STXBP5L: variants seen among roughly 807,000 people sequenced by gnomAD.
STXBP5L encodes the protein syntaxin binding protein 5L.
STXBP5L carries 65 observed loss-of-function variants against 144.5 expected under a neutral mutation model. The ratio of observed to expected loss-of-function variants is 0.45; its 90% CI spans 0.37 to 0.55. STXBP5L has a LOEUF of 0.55. STXBP5L is among the 20% of genes least tolerant of loss of function. The pLI, the probability that STXBP5L is intolerant of heterozygous loss-of-function variation, is 0.00. For synonymous variants in STXBP5L, 505 were observed against 469.6 expected (o/e 1.08, Z -0.97); for missense variants, 1,298 against 1,405.5 (o/e 0.92, Z 1.22).
intron 20 of STXBP5L, among the ~76,000 whole-genome samples, chr3:121,322,671 G>A (rs1010126865): frequency 2.7e-5 from 4 of 150,806 alleles, no homozygotes; most frequent in East Asian, 1.9e-4. Context: ...TTCTTTTTGT[G>A]TGTGTGTGTG....
chr3:121,115,652 A>G (rs1328397691), intron 6 of STXBP5L, among the ~76,000 whole-genome samples: 1 of 152,152 alleles, frequency 6.6e-6, no homozygotes, highest in East Asian at 1.9e-4. Context: ...GCATTGCTAT[A>G]AAGGAATCCC....
At chr3:120,923,825 A>C (rs1419628858) in intron 2 of STXBP5L, among the ~76,000 whole-genome samples, 2 of 152,054 alleles carry the variant, frequency 1.3e-5, no homozygotes, top group Non-Finnish European at 2.9e-5. Flanking sequence ...AGTTGGGTGA[A>C]ATATTTTATA....
In STXBP5L at chr3:121,381,344, T is replaced by C. The variant is rs766545647; in HGVS notation, c.2399T>C (p.Ile800Thr). The stretch of plus-strand genomic sequence containing the variant: ...TCTAGAAGCTCTAGTATCTCCAGTA[T>C]TGACAAAGATTCTAAAGAAGCAATT... ...NRSRSSSISS[I>T]DKDSKEAITA... The change falls in exon 22 of 27, where the codon ATT (isoleucine) becomes ACT (threonine). Residue 800 changes from isoleucine (I) to threonine (T), a missense_variant. Transcript: ENST00000471454. 1.2e-6 allele frequency: 2 copies of C among 1,603,426 alleles called. No individual in the cohort carries two copies. Among genetic ancestry groups the C allele is most frequent in the Middle Eastern group, 1.7e-4 (1 of 6,014 alleles).
chr3:121,209,195 A>C (rs988549119), intron 10 of STXBP5L, among the ~76,000 whole-genome samples: 6 of 152,092 alleles, frequency 3.9e-5, no homozygotes, highest in African/African-American at 1.4e-4. Context: ...GGTTGGTTCC[A>C]AGTCTTTGCT....
chr3:121,127,753 G>A (rs1484907723), intron 7 of STXBP5L, among the ~76,000 whole-genome samples: 1 of 151,906 alleles, frequency 6.6e-6, no homozygotes, highest in Admixed American at 6.6e-5. Context: ...ATTAACCTGG[G>A]ATGGAAAAAT....
intron 3 of STXBP5L, among the ~76,000 whole-genome samples, chr3:121,023,290 A>C (rs1021619910): frequency 6.6e-6 from 1 of 152,218 alleles, no homozygotes; most frequent in African/African-American, 2.4e-5. Context: ...GGATGGATAG[A>C]ATCAGTATTG....
chr3:121,057,701 G>T (rs1948556702), intron 5 of STXBP5L, among the ~76,000 whole-genome samples: 1 of 151,694 alleles, frequency 6.6e-6, no homozygotes, highest in African/African-American at 2.4e-5. Context: ...TGGATATTCT[G>T]CAATTTGATT....
chr3:121,152,656 G>C, intron 8 of STXBP5L, 96 bp downstream of exon 8: 1 of 859,326 alleles, frequency 1.2e-6, no homozygotes, highest in Non-Finnish European at 1.7e-6. Context: ...GTTTAGCCTT[G>C]GAAAGTTGCC....
chr3:121,349,815 A>T (rs889238157), intron 20 of STXBP5L, among the ~76,000 whole-genome samples: 1 of 151,720 alleles, frequency 6.6e-6, no homozygotes, highest in Admixed American at 6.6e-5. Context: ...TGCTTGGTAG[A>T]TCTTCCTCCA....
chr3:121,367,248 C>T (rs971715158), intron 20 of STXBP5L, among the ~76,000 whole-genome samples: 1 of 152,126 alleles, frequency 6.6e-6, no homozygotes, highest in African/African-American at 2.4e-5. Flanking sequence ...CTTCATATGG[C>T]TTTGAGTTAC....
chr3:121,169,117 T>A (rs1287193029), intron 9 of STXBP5L, among the ~76,000 whole-genome samples: 2 of 152,086 alleles, frequency 1.3e-5, no homozygotes, highest in Non-Finnish European at 2.9e-5. Context: ...AGAAATAAAA[T>A]CACTTACAGA....
intron 5 of STXBP5L, among the ~76,000 whole-genome samples, chr3:121,065,935 G>T (rs2041523013): frequency 6.6e-6 from 1 of 152,140 alleles, no homozygotes; most frequent in Non-Finnish European, 1.5e-5. Flanking sequence ...GTGATCCTCA[G>T]TTTTTTGCCA....
At chr3:121,249,346 T>C (rs567121289) in intron 14 of STXBP5L, among the ~76,000 whole-genome samples, 6 of 152,156 alleles carry the variant, frequency 3.9e-5, no homozygotes, top group African/African-American at 7.2e-5. Context: ...CAATTATCAA[T>C]AATATATATC....
chr3:121,266,647 A>G lies in STXBP5L; in HGVS notation c.1958+7479A>G, dbSNP rs183604196. Among the ~76,000 whole-genome samples, 88 of 152,284 alleles carry G rather than the reference A, an allele frequency of 5.8e-4. 1 individual carries two copies. Among genetic ancestry groups the G allele is most frequent in the Admixed American group, 4.1e-3 (63 of 15,288 alleles). ...GCCAGGGCAATCAGGCAAGAGAAAG[A>G]AATAAAGGGTATTCAAATAAAAAGG... On this transcript the variant is annotated intron_variant, in intron 18 of 26. Coordinates refer to ENST00000471454, the MANE Select transcript of STXBP5L (RefSeq NM_001308330.2).
rs976815577 is a variant in STXBP5L at position 121,407,599 on chromosome 3, A to G, written c.2944A>G (p.Met982Val). The G allele has an allele frequency of 3.1e-6, 5 of 1,612,922 alleles. No individual in the cohort carries two copies. In the African/African-American group the frequency reaches 6.7e-5, roughly 22 times the overall value. The change falls in exon 23 of 27, where the codon ATG becomes GTG. Residue 982 changes from methionine to valine, a missense_variant. Coordinates refer to ENST00000471454, the MANE Select transcript of STXBP5L (RefSeq NM_001308330.2). ...TTGTGCTAACGGACATATCATGATA[A>G]TGAGGTACTTGCCTTCTTATAAATT... ...CFCANGHIMI[M>V]SLPSLRPMLD...
chr3:121,043,882 A>G (rs563056798), intron 4 of STXBP5L, among the ~76,000 whole-genome samples: 1 of 152,282 alleles, frequency 6.6e-6, no homozygotes, highest in Middle Eastern at 3.4e-3. Flanking sequence ...GTTGTTACAT[A>G]TCATGTTCTA....
chr3:121,162,082 T>C (rs769512528), intron 9 of STXBP5L, among the ~76,000 whole-genome samples: 1 of 152,154 alleles, frequency 6.6e-6, no homozygotes, highest in South Asian at 2.1e-4. Flanking sequence ...AATAGAACCA[T>C]TTTAGATCAC....
At chr3:121,325,287 G>A (rs1195418262) in intron 20 of STXBP5L, among the ~76,000 whole-genome samples, 1 of 152,040 alleles carries the variant, frequency 6.6e-6, no homozygotes, top group Admixed American at 6.5e-5. Context: ...GGAAGATAGA[G>A]ATAATAGTTA....
chr3:120,927,397 C>G lies in STXBP5L; in HGVS notation c.189+17630C>G, dbSNP rs547847613. 9.6e-4 allele frequency among the ~76,000 whole-genome samples: 146 copies of G among 152,244 alleles called. 1 individual carries two copies. Among genetic ancestry groups the G allele is most frequent in the African/African-American group, 3.1e-3 (130 of 41,544 alleles). ...TGGCTGAGTTACAGAGCAGAATTTC[C>G]AAGGCTAGGATGGCAGTCCCACCTC... is the stretch of plus-strand genomic sequence containing the variant. On this transcript the variant is annotated intron_variant, in intron 2 of 26. Coordinates refer to ENST00000471454, the MANE Select transcript of STXBP5L (RefSeq NM_001308330.2).
Sources: allele counts gnomAD v4.1 joint callset (sites outside exome capture counted in the v4.1 genomes callset), GRCh38; gene constraint gnomAD v4.1.1; transcripts MANE v1.5; gene names NCBI Gene and HGNC (gene_info 2026-07-23, HGNC 2026-07-21).